Variants in ARLN observed in about 807,000 individuals in gnomAD.
ARLN encodes sarcoplasmic/endoplasmic reticulum calcium ATPase regulator ARLN.
chr4:119,297,387 G>C, the ARLN span: 19 of 152,222 alleles, frequency 1.2e-4, no homozygotes, highest in Non-Finnish European at 2.5e-4. Context: ...TATGCTGAAT[G>C]CAACTAATTT....
At chr4:119,301,853 C>T in the ARLN span, among the ~76,000 whole-genome samples, 19 of 152,290 alleles carry the variant, frequency 1.2e-4, no homozygotes, top group Non-Finnish European at 2.4e-4. Flanking sequence ...CCTAACCTTG[C>T]TCCAATTTGC....
At chr4:119,300,364 C>G in the ARLN span, 13 of 1,612,620 alleles carry the variant, frequency 8.1e-6, no homozygotes, top group African/African-American at 1.6e-4. Context: ...AAGAGAAACA[C>G]CACCACATCG....
chr4:119,300,854 C>T, the ARLN span: 11 of 1,422,200 alleles, frequency 7.7e-6, no homozygotes, highest in African/African-American at 1.3e-4. Context: ...ACGTTCTCGT[C>T]CCCCTGAAAG....
chr4:119,304,229 G>T, the ARLN span: 3 of 1,513,078 alleles, frequency 2.0e-6, no homozygotes, highest in Admixed American at 5.9e-5. Flanking sequence ...CTCCATTCTT[G>T]GTATTTCTAA....
chr4:119,302,368 T>C, the ARLN span, among the ~76,000 whole-genome samples: 6 of 152,218 alleles, frequency 3.9e-5, no homozygotes, highest in African/African-American at 1.4e-4. Context: ...AGTTGAAAGA[T>C]TCTATTTCCG....
At chr4:119,300,468 C>G in the ARLN span, 1 of 1,614,192 alleles carries the variant, frequency 6.2e-7, no homozygotes, top group African/African-American at 1.3e-5. Context: ...CTGCCTCCCT[C>G]CCTCGCTAAA....
chr4:119,300,858 C>T, the ARLN span: 3 of 1,410,576 alleles, frequency 2.1e-6, no homozygotes, highest in South Asian at 3.0e-5. Flanking sequence ...TCTCGTCCCC[C>T]TGAAAGGCCC....
the ARLN span, among the ~76,000 whole-genome samples, chr4:119,301,289 T>G: frequency 4.8e-3 from 683 of 142,434 alleles, 7 homozygotes; most frequent in African/African-American, 0.017. Context: ...CCGGGCGTGG[T>G]GGCAGGCGCC....
chr4:119,298,694 C>T, the ARLN span: 4 of 737,676 alleles, frequency 5.4e-6, no homozygotes, highest in Middle Eastern at 2.4e-4. Context: ...TATTGAGAGT[C>T]CTGTCTTCTT....
chr4:119,300,784 A>G, the ARLN span: 1 of 1,452,214 alleles, frequency 6.9e-7, no homozygotes, highest in Non-Finnish European at 9.0e-7. Flanking sequence ...GGGCCCGCCT[A>G]CTTCTGCCTC....
chr4:119,301,587 C>A, the ARLN span, among the ~76,000 whole-genome samples: 2 of 152,186 alleles, frequency 1.3e-5, no homozygotes, highest in South Asian at 4.1e-4. Context: ...CATTATGATT[C>A]CTGAATTGTT....
chr4:119,300,517 C>G, the ARLN span: 1 of 1,614,040 alleles, frequency 6.2e-7, no homozygotes, highest in Admixed American at 1.7e-5. Flanking sequence ...CCATCAACAC[C>G]CGGTGCGTCC....
At chr4:119,296,593 C>T in the ARLN span, 1 of 152,160 alleles carries the variant, frequency 6.6e-6, no homozygotes, top group Non-Finnish European at 1.5e-5. Context: ...GCCAGAGAAT[C>T]AGGAGAACCA....
At chr4:119,298,115 G>A in the ARLN span, 2 of 152,074 alleles carry the variant, frequency 1.3e-5, no homozygotes, top group Admixed American at 6.6e-5. Context: ...TTCGTTATAG[G>A]AGGCTCAAGA....
the ARLN span, chr4:119,300,466 C>T: frequency 1.2e-3 from 1,989 of 1,614,188 alleles, 2 homozygotes; most frequent in Middle Eastern, 4.1e-3. Flanking sequence ...TTCTGCCTCC[C>T]TCCCTCGCTA....
chr4:119,303,018 C>T, the ARLN span, among the ~76,000 whole-genome samples: 1 of 152,178 alleles, frequency 6.6e-6, no homozygotes, highest in Non-Finnish European at 1.5e-5. Flanking sequence ...AGAATAACCT[C>T]TCCAACAGTG....
the ARLN span, among the ~76,000 whole-genome samples, chr4:119,299,709 A>C: frequency 3.9e-5 from 6 of 152,176 alleles, no homozygotes; most frequent in Non-Finnish European, 8.8e-5. Context: ...GGATATGTGG[A>C]TGTGTGTAAG....
At chr4:119,303,995 C>T in the ARLN span, among the ~76,000 whole-genome samples, 2 of 152,220 alleles carry the variant, frequency 1.3e-5, no homozygotes, top group South Asian at 4.1e-4. Context: ...TCTGGCTCTA[C>T]TCTACTCAGC....
At chr4:119,303,343 C>G in the ARLN span, among the ~76,000 whole-genome samples, 1 of 151,408 alleles carries the variant, frequency 6.6e-6, no homozygotes, top group Non-Finnish European at 1.5e-5. Context: ...AAGCGATTCT[C>G]CCTGCCTCAG....
Sources: allele counts gnomAD v4.1 joint callset (sites outside exome capture counted in the v4.1 genomes callset), GRCh38; gene constraint gnomAD v4.1.1; transcripts MANE v1.5; gene names NCBI Gene and HGNC (gene_info 2026-07-23, HGNC 2026-07-21).